ITPKB: variants seen among roughly 807,000 people sequenced by gnomAD.
The protein encoded by ITPKB is IP3 3-kinase B.
A neutral mutation model predicts 69.4 loss-of-function variants in ITPKB; 13 were observed. That is an observed-to-expected ratio of 0.19 (90% CI 0.12 to 0.30). The LOEUF (loss-of-function observed/expected upper bound fraction) is 0.30, where lower values mean the gene tolerates loss of function less well. ITPKB is among the 10% of genes least tolerant of loss of function. The pLI is 1.00. For missense variants in ITPKB, 1,240 were observed against 1,250.5 expected, an observed-to-expected ratio of 0.99 and a Z score of 0.13; for synonymous variants, 584 against 513.7, an observed-to-expected ratio of 1.14 and a Z score of -1.85.
At chr1:226,734,423 G>A (rs1315293969) in intron 2 of ITPKB, among the ~76,000 whole-genome samples, 1 of 152,212 alleles carries the variant, frequency 6.6e-6, no homozygotes, top group Non-Finnish European at 1.5e-5. Context: ...CCCAGTCGTG[G>A]TGGAGAAAGT....
chr1:226,654,228 G>A (rs1402953539), intron 2 of ITPKB, among the ~76,000 whole-genome samples: 1 of 152,054 alleles, frequency 6.6e-6, no homozygotes, highest in Non-Finnish European at 1.5e-5. Flanking sequence ...TAGTGGGAGG[G>A]AAAAAATCTG....
chr1:226,699,891 G>A (rs1245222954), intron 2 of ITPKB, among the ~76,000 whole-genome samples: 2 of 152,176 alleles, frequency 1.3e-5, no homozygotes, highest in Non-Finnish European at 2.9e-5. Flanking sequence ...ACAATAGGCT[G>A]TCTGCAAGCT....
chr1:226,634,931 C>A lies in ITPKB; in HGVS notation c.2626-45G>T, dbSNP rs771280625. ...GAAGGGTGAGCTGAAGCCCGGGCCT[C>A]GCCCTCCCCACTGCGGCCCGGGGCC... On this transcript the variant is annotated intron_variant, in intron 7 of 7. Transcript: ENST00000429204. This position sits in a 1 kb window ranked among gnomAD's most constrained non-coding sequence, Gnocchi z 6.3. The A allele has an allele frequency of 5.9e-6, 9 of 1,512,792 alleles. No homozygotes were observed. Among genetic ancestry groups the A allele is most frequent in the Non-Finnish European group, 7.2e-6 (8 of 1,103,780 alleles). The allele number at this position is 1,512,792 out of a possible 1,614,324, so 93.7% of individuals were successfully genotyped here.
At chr1:226,724,680 G>C (rs1342581937) in intron 2 of ITPKB, among the ~76,000 whole-genome samples, 2 of 152,102 alleles carry the variant, frequency 1.3e-5, no homozygotes, top group African/African-American at 4.8e-5. Context: ...TACACCTCAG[G>C]GTTCTTCCCC....
intron 2 of ITPKB, among the ~76,000 whole-genome samples, chr1:226,691,697 CTTT>C (rs1656356762): frequency 6.6e-6 from 1 of 152,254 alleles, no homozygotes; most frequent in Non-Finnish European, 1.5e-5. Flanking sequence ...CCCATTTCAA[CTTT>C]CCCTAATAAA....
At chr1:226,722,899 G>A (rs979698184) in intron 2 of ITPKB, among the ~76,000 whole-genome samples, 6 of 152,174 alleles carry the variant, frequency 3.9e-5, no homozygotes, top group African/African-American at 7.2e-5. Context: ...CAGAAAAGAT[G>A]CAAACCCCCA....
chr1:226,701,603 CAAAAAAAAAAAAAA>C (rs58756019), intron 2 of ITPKB, among the ~76,000 whole-genome samples: 4 of 44,868 alleles, frequency 8.9e-5, no homozygotes, highest in Non-Finnish European at 1.8e-4. Flanking sequence ...GACTCCGTCT[CAAAAAAAAAAAAAA>C]AAAAAAAAAA....
In ITPKB at chr1:226,737,547, C is replaced by G; in HGVS notation, c.-89G>C. On this transcript the variant is annotated 5_prime_UTR_variant, in exon 2 of 8. Transcript: ENST00000429204. ...TCCTCCCGGCGCTCCCGGCTCAGCC[C>G]CGGAGGCCCGGCAGCCGCGGCTCCG... 8.0e-7 allele frequency: 1 copy of G among 1,251,844 alleles called. No homozygotes were observed. The highest frequency in any genetic ancestry group is 1.0e-6 in the Non-Finnish European group (1 of 1,001,704). The allele number at this position is 1,251,844 out of a possible 1,614,324, so 77.5% of individuals were successfully genotyped here.
chr1:226,737,002 G>A lies in ITPKB; in HGVS notation c.457C>T (p.His153Tyr), dbSNP rs766987113. 1 of 1,612,820 alleles carries A rather than the reference G, an allele frequency of 6.2e-7. No individual in the cohort carries two copies. Among genetic ancestry groups the A allele is most frequent in the Non-Finnish European group, 8.5e-7 (1 of 1,179,940 alleles). ...VNQKVGMFEA[H>Y]IQAQSSAIQA... ...ATGGCGGAGCTCTGTGCCTGGATGT[G>A]CGCCTCAAACATGCCCACTTTCTGG... The change falls in exon 2 of 8, where the codon CAC (histidine) becomes TAC (tyrosine). Residue 153 changes from histidine to tyrosine, a missense_variant. Physicochemically the swap from His to Tyr is moderately conservative, Grantham distance 83. This residue lies in a region of ITPKB where 992 missense variants were observed against 853.8 expected (regional missense o/e 1.16). Transcript: ENST00000429204.
At chr1:226,664,763 A>G (rs1010812879) in intron 2 of ITPKB, among the ~76,000 whole-genome samples, 2 of 152,236 alleles carry the variant, frequency 1.3e-5, no homozygotes, top group Non-Finnish European at 2.9e-5. Context: ...GCGAGCCGAT[A>G]AACTGCCAAA....
intron 2 of ITPKB, among the ~76,000 whole-genome samples, chr1:226,690,591 G>A (rs565752551): frequency 1.7e-4 from 26 of 152,292 alleles, no homozygotes; most frequent in African/African-American, 6.0e-4. Context: ...CAAGCCAGTG[G>A]GCAGGGAGAG....
intron 2 of ITPKB, among the ~76,000 whole-genome samples, chr1:226,732,631 A>G (rs1340291438): frequency 6.6e-6 from 1 of 150,954 alleles, no homozygotes; most frequent in East Asian, 1.9e-4. Context: ...GTACTTTTAT[A>G]TCTTAATACA....
intron 2 of ITPKB, among the ~76,000 whole-genome samples, chr1:226,716,845 G>A (rs1252892987): frequency 2.0e-5 from 3 of 152,170 alleles, no homozygotes; most frequent in Non-Finnish European, 4.4e-5. Flanking sequence ...CCCAGGCTCA[G>A]GGAATACATG....
chr1:226,677,447 G>A (rs1331263618), intron 2 of ITPKB, among the ~76,000 whole-genome samples: 2 of 152,190 alleles, frequency 1.3e-5, no homozygotes, highest in Non-Finnish European at 2.9e-5. Flanking sequence ...CAGCAGAGGG[G>A]TGGGTTAAAG....
At chr1:226,656,684 T>C (rs903791753) in intron 2 of ITPKB, 2 of 152,230 alleles carry the variant, frequency 1.3e-5, no homozygotes, top group Admixed American at 6.5e-5. Flanking sequence ...CGGAGTTGGA[T>C]GTTGTTCTAG....
intron 2 of ITPKB, chr1:226,676,354 T>C (rs761732178): frequency 6.6e-6 from 1 of 152,202 alleles, no homozygotes; most frequent in Non-Finnish European, 1.5e-5. Flanking sequence ...TAAATTATTT[T>C]AATCCAAGCG....
At position 226,637,208 on chromosome 1, in the gene ITPKB, C is replaced by A. The variant is rs1234782601; in HGVS notation, c.2625+471G>T. ...AGGTGTCTCAGTTCCCCACCTGCTG[C>A]CTGCTGCCCCTGCCAACCAACGTAT... On this transcript the variant is annotated intron_variant, in intron 7 of 7. Transcript: ENST00000429204. This position sits in a 1 kb window ranked among gnomAD's most constrained non-coding sequence, Gnocchi z 4.3. Among the ~76,000 whole-genome samples the A allele has an allele frequency of 6.6e-6, 1 of 152,198 alleles. No individual in the cohort carries two copies. Among genetic ancestry groups the A allele is most frequent in the African/African-American group, 2.4e-5 (1 of 41,448 alleles).
chr1:226,717,579 CTTT>C (rs1248386656), intron 2 of ITPKB, among the ~76,000 whole-genome samples: 1 of 152,218 alleles, frequency 6.6e-6, no homozygotes, highest in East Asian at 1.9e-4. Flanking sequence ...GCATCTGCTT[CTTT>C]GTTTTTCTTT....
chr1:226,700,475 A>C lies in ITPKB; in HGVS notation c.1932+35052T>G, dbSNP rs1050925058. Among the ~76,000 whole-genome samples the C allele has an allele frequency of 3.6e-3, 534 of 148,968 alleles. 1 individual carries two copies. Among genetic ancestry groups the C allele is most frequent in the Non-Finnish European group, 6.1e-3 (412 of 67,208 alleles). ...GGAGCAAGACTCCGTCAAAAAAAAA[A>C]AAAAAAAAAAAAAAAAAAAAACCCA... On this transcript the variant is annotated intron_variant, in intron 2 of 7. Coordinates refer to ENST00000429204, the MANE Select transcript of ITPKB (RefSeq NM_002221.4).
Sources: gnomAD v4.1 joint callset for allele counts (sites outside exome capture counted in the v4.1 genomes callset) on GRCh38, gnomAD v4.1.1 for gene constraint, gnomAD v4.1.1 regional missense constraint, Gnocchi (gnomAD v3.1) non-coding constraint, MANE v1.5 for transcripts, NCBI Gene and HGNC (gene_info 2026-07-23, HGNC 2026-07-21) for gene names.